ZNF782: variants seen among roughly 807,000 people sequenced by gnomAD.
The protein encoded by ZNF782 is zinc finger protein 782.
A neutral mutation model predicts 13.0 loss-of-function variants in ZNF782; 12 were observed. That is an observed-to-expected ratio of 0.92 (90% CI 0.59 to 1.50). ZNF782 has a LOEUF of 1.50. Among genes scored for constraint, ZNF782 ranks in the 40% most tolerant of loss-of-function variants. ZNF782 has a pLI of 0.00. For synonymous variants in ZNF782, 284 were observed against 283.0 expected, an observed-to-expected ratio of 1.00 and a Z score of -0.04; for missense variants, 770 against 822.9, an observed-to-expected ratio of 0.94 and a Z score of 0.79.
chr9:96,835,962 T>C (rs1479892935), intron 4 of ZNF782, among the ~76,000 whole-genome samples: 1 of 152,204 alleles, frequency 6.6e-6, no homozygotes, highest in Non-Finnish European at 1.5e-5. Flanking sequence ...ACCAGTAGCA[T>C]GCAATCTCAG....
intron 5 of ZNF782, among the ~76,000 whole-genome samples, chr9:96,825,500 G>A (rs1230805255): frequency 6.6e-6 from 1 of 151,970 alleles, no homozygotes; most frequent in African/African-American, 2.4e-5. Context: ...GCATGGGCAA[G>A]GATTTCATGT....
At chr9:96,856,226 A>C (rs1851640653), upstream of ZNF782, among the ~76,000 whole-genome samples, 1 of 152,180 alleles carries the variant, frequency 6.6e-6, no homozygotes, top group South Asian at 2.1e-4. Context: ...GTAAAGATTA[A>C]AGGTGAGCTG....
chr9:96,911,499 G>GTTTT, the ZNF782 span, among the ~76,000 whole-genome samples: 1 of 133,712 alleles, frequency 7.5e-6, no homozygotes, highest in Non-Finnish European at 1.6e-5. Flanking sequence ...TTTCTTACAA[G>GTTTT]TTTTTTTTTT....
At chr9:96,872,656 G>A (rs1851841376) in intron 1 of ZNF782, among the ~76,000 whole-genome samples, 1 of 152,102 alleles carries the variant, frequency 6.6e-6, no homozygotes, top group African/African-American at 2.4e-5. Context: ...TAAGTTGCCT[G>A]GACTATTCAC....
chr9:96,930,232 T>C, the ZNF782 span, among the ~76,000 whole-genome samples: 1 of 151,696 alleles, frequency 6.6e-6, no homozygotes. Flanking sequence ...CTAGCAGCTG[T>C]GAAAATCCCT....
At chr9:96,895,476 A>G in the ZNF782 span, 4 of 152,244 alleles carry the variant, frequency 2.6e-5, no homozygotes, top group African/African-American at 4.8e-5. Flanking sequence ...TTGCAGACCC[A>G]TATCTCCTTA....
chr9:96,847,829 A>G (rs141204160), intron 3 of ZNF782, among the ~76,000 whole-genome samples: 17 of 152,324 alleles, frequency 1.1e-4, no homozygotes, highest in African/African-American at 4.1e-4. Context: ...CTATGAAGCC[A>G]GTATCACCCT....
chr9:96,925,426 T>C, the ZNF782 span, among the ~76,000 whole-genome samples: 1 of 151,976 alleles, frequency 6.6e-6, no homozygotes, highest in African/African-American at 2.4e-5. Flanking sequence ...TCACCTGAGG[T>C]CGGGGGTTCG....
chr9:96,893,078 A>C, the ZNF782 span: 10 of 152,322 alleles, frequency 6.6e-5, no homozygotes, highest in East Asian at 1.9e-3. Flanking sequence ...AACTTTGGCT[A>C]TAAAATGACA....
rs1850199792 is a variant in ZNF782, at chr9:96,817,202, G to C, written c.*721C>G. 1 of 152,132 alleles carries C rather than the reference G, an allele frequency of 6.6e-6. No homozygotes were observed. Among genetic ancestry groups the C allele is most frequent in the African/African-American group, 2.4e-5 (1 of 41,422 alleles). The allele number at this position is 152,132 out of a possible 1,614,324, so 9.4% of individuals were successfully genotyped here. A position where few individuals can be genotyped will look rare whatever the true frequency, so the allele number is the denominator to read the frequency against. On this transcript the variant is annotated 3_prime_UTR_variant, in exon 6 of 6. Transcript: ENST00000481138. ...TTGAGAATTTGACTGATGTATTTAA[G>C]ACCTGTCACTGACCCCATATTCCAC...
chr9:96,832,686 T>A (rs1850845830), intron 4 of ZNF782, among the ~76,000 whole-genome samples: 1 of 152,198 alleles, frequency 6.6e-6, no homozygotes, highest in Non-Finnish European at 1.5e-5. Context: ...AATCCACTTG[T>A]ATTCAAATTC....
At chr9:96,836,562 GA>G (rs1405925909) in intron 4 of ZNF782, among the ~76,000 whole-genome samples, 1 of 152,134 alleles carries the variant, frequency 6.6e-6, no homozygotes, top group Non-Finnish European at 1.5e-5. Context: ...GGTGGTGCTA[GA>G]AAAACTTAAG....
intron 3 of ZNF782, among the ~76,000 whole-genome samples, chr9:96,851,426 A>C (rs942197918): frequency 1.3e-5 from 2 of 152,190 alleles, no homozygotes; most frequent in African/African-American, 4.8e-5. Flanking sequence ...ATTATTAGAA[A>C]AGAAGAAACA....
chr9:96,877,833 A>AT (rs908850116), upstream of ZNF782, among the ~76,000 whole-genome samples: 6 of 152,194 alleles, frequency 3.9e-5, no homozygotes, highest in Non-Finnish European at 7.3e-5. Flanking sequence ...AGGACAAAAA[A>AT]ATATATTTTC....
chr9:96,827,411 C>T (rs749076474), intron 4 of ZNF782, among the ~76,000 whole-genome samples: 5 of 151,972 alleles, frequency 3.3e-5, no homozygotes, highest in Non-Finnish European at 7.4e-5. Context: ...CTCACTGCAG[C>T]CTCAAACTCC....
the ZNF782 span, among the ~76,000 whole-genome samples, chr9:96,911,720 C>T: frequency 6.6e-6 from 1 of 151,334 alleles, no homozygotes; most frequent in Non-Finnish European, 1.5e-5. Context: ...CGGGGTTTCA[C>T]CGTGTTAGCG....
chr9:96,910,791 G>A, the ZNF782 span, among the ~76,000 whole-genome samples: 3 of 148,376 alleles, frequency 2.0e-5, no homozygotes, highest in East Asian at 2.0e-4. Flanking sequence ...CGCCCGCCAC[G>A]ACACCCGGCT....
At position 96,819,717 on chromosome 9, in the gene ZNF782, C is replaced by T. The variant is rs772754977; in HGVS notation, c.306G>A (p.Leu102=). The T allele has an allele frequency of 6.2e-7, 1 of 1,612,164 alleles. No individual in the cohort carries two copies. Among genetic ancestry groups the T allele is most frequent in the African/African-American group, 1.3e-5 (1 of 74,724 alleles). ...ATAATTTATTGGTGAATAAAACTTGCAACAAATGTTTGCCTTGATTTTCTG... is the reference window on the plus strand; with the variant it reads ...ATAATTTATTGGTGAATAAAACTTGTAACAAATGTTTGCCTTGATTTTCTG... ...KSPENQGKHL[L]QVLFTNKLLT... is the part of the protein sequence containing the mutation. The change falls in exon 6 of 6, where the codon TTG becomes TTA. Residue 102 remains leucine, a synonymous_variant. Transcript: ENST00000481138.
the ZNF782 span, among the ~76,000 whole-genome samples, chr9:96,920,268 CTTTT>C: frequency 7.5e-6 from 1 of 132,832 alleles, no homozygotes; most frequent in East Asian, 2.4e-4. Flanking sequence ...ACACCAAAAC[CTTTT>C]TTTTTTTTTT....
Sources: allele counts gnomAD v4.1 joint callset (sites outside exome capture counted in the v4.1 genomes callset), GRCh38; gene constraint gnomAD v4.1.1; transcripts MANE v1.5; gene names NCBI Gene and HGNC (gene_info 2026-07-23, HGNC 2026-07-21).